The following DNAJC5 variants were observed in gnomAD, a reference collection of about 807,000 sequenced individuals.
DNAJC5 encodes dnaJ homolog subfamily C member 5.
In DNAJC5, 1 loss-of-function variant was observed where a neutral mutation model predicts 23.2. That is an observed-to-expected ratio of 0.04 (90% CI 0.02 to 0.20). The LOEUF (loss-of-function observed/expected upper bound fraction) is 0.20, where lower values mean the gene tolerates loss of function less well. Among genes scored for constraint, DNAJC5 ranks in the 10% least tolerant of loss-of-function variants. The probability of loss-of-function intolerance (pLI) is 1.00; values close to 1 mark genes in which losing one functional copy is unlikely to be tolerated. For missense variants in DNAJC5, 180 were observed against 267.0 expected (o/e 0.67, Z 2.27); for synonymous variants, 136 against 120.0 (o/e 1.13, Z -0.87).
chr20:63,927,551 AG>A lies in DNAJC5; in HGVS notation c.-11-783del, dbSNP rs1253672634. ...GCAAAACTGTCCCCCCCCCCAAAAAAGAAAGAAAGAAACTGTGTGTTCTCTA... is the reference window on the plus strand; with the variant it reads ...GCAAAACTGTCCCCCCCCCCAAAAAAAAAGAAAGAAACTGTGTGTTCTCTA... On this transcript the variant is annotated intron_variant, in intron 1 of 4. Transcript: ENST00000360864. 1.7e-4 allele frequency among the ~76,000 whole-genome samples: 21 copies of A among 122,554 alleles called. 1 individual carries two copies. In the South Asian group the frequency reaches 4.4e-3, roughly 25 times the overall value. The allele number at this position is 122,554 out of a possible 152,430, so 80.4% of individuals were successfully genotyped here.
chr20:63,925,742 G>A (rs2053607439), intron 1 of DNAJC5, among the ~76,000 whole-genome samples: 1 of 129,066 alleles, frequency 7.7e-6, no homozygotes, highest in African/African-American at 3.7e-5. Context: ...GGGCAACAAA[G>A]CGAGACTATC....
chr20:63,930,901 T>C lies in DNAJC5; in HGVS notation c.372T>C (p.Cys124=). The change falls in exon 4 of 5, where the codon TGT becomes TGC. Residue 124 remains cysteine (C), a synonymous_variant. Transcript: ENST00000360864. ...GLLTCCYCCC[C]LCCCFNCCCG... The stretch of plus-strand genomic sequence containing the variant: ...TCACGTGCTGCTACTGCTGCTGCTG[T>C]CTGTGCTGCTGCTTCAACTGCTGCT... 2 of 1,614,012 alleles carry C rather than the reference T, an allele frequency of 1.2e-6. No individual in the cohort carries two copies. The highest frequency in any genetic ancestry group is 1.7e-6 in the Non-Finnish European group (2 of 1,180,020).
chr20:63,909,455 A>G (rs2053468294), intron 1 of DNAJC5, among the ~76,000 whole-genome samples: 1 of 152,172 alleles, frequency 6.6e-6, no homozygotes, highest in African/African-American at 2.4e-5. Flanking sequence ...GTGAGCCGAG[A>G]TGGCGCCACT....
Position 63,910,787 on chromosome 20 carries a change from C to T in DNAJC5, c.-12+15464C>T, listed in dbSNP as rs1387963735. On this transcript the variant is annotated intron_variant, in intron 1 of 4. Coordinates refer to ENST00000360864, the MANE Select transcript of DNAJC5 (RefSeq NM_025219.3). ...TCCCAGGTTCAAGCGATTCTCCTGC[C>T]TCAGCCTCCCAAGTAGCTGGGACTA... Among the ~76,000 whole-genome samples the T allele has an allele frequency of 2.6e-5, 4 of 151,780 alleles. No homozygotes were observed. The East Asian group carries it at 5.9e-4, about 22-fold the overall frequency.
intron 3 of DNAJC5, 105 bp from the exon 4 acceptor site, chr20:63,930,746 A>G (rs1368890724): frequency 8.9e-6 from 14 of 1,568,316 alleles, no homozygotes; most frequent in African/African-American, 2.7e-5. Context: ...CAGTATCCCC[A>G]CCTGGAACGC....
At chr20:63,917,529 A>G (rs1488666908) in intron 1 of DNAJC5, among the ~76,000 whole-genome samples, 1 of 140,330 alleles carries the variant, frequency 7.1e-6, no homozygotes, top group Non-Finnish European at 1.5e-5. Context: ...CTGGGATTAT[A>G]GGCATGAGCC....
Position 63,931,022 on chromosome 20 carries a change from G to A in DNAJC5, c.493G>A (p.Glu165Lys). 1 of 1,613,794 alleles carries A rather than the reference G, an allele frequency of 6.2e-7. No homozygotes were observed. The highest frequency in any genetic ancestry group is 8.5e-7 in the Non-Finnish European group (1 of 1,179,956). ...GGCACAGCTGCAGTCTGACGAGAGG[G>A]GTGAGTGCCCGCCCCAGGGCCCGTG... ...LEAQLQSDER[E>K]ATDTPIVIQP... Residue 165 changes from glutamate (E) to lysine (K), a missense_variant and splice_region_variant, in exon 4 of 5, where the codon GAG becomes AAG. By Grantham distance (56) the Glu-to-Lys change is moderately conservative (BLOSUM62 1). Around this residue, in one of 3 missense-constraint regions of DNAJC5, gnomAD observed 97 missense variants for 123.4 expected, o/e 0.79. Coordinates refer to ENST00000360864, the MANE Select transcript of DNAJC5 (RefSeq NM_025219.3). The surrounding 1 kb of genome is among the most constrained non-coding windows in gnomAD (Gnocchi z 9.6).
chr20:63,930,709 C>A, intron 3 of DNAJC5, 142 bp from the exon 4 acceptor site: 2 of 1,356,166 alleles, frequency 1.5e-6, no homozygotes. Flanking sequence ...TTCTTCAGTT[C>A]TTTCCTTCTG....
At position 63,931,073 on chromosome 20, in the gene DNAJC5, G is replaced by A. The variant is rs781059715; in HGVS notation, c.493+51G>A. On this transcript the variant is annotated intron_variant, in intron 4 of 4. Transcript: ENST00000360864. The surrounding 1 kb of genome is among the most constrained non-coding windows in gnomAD (Gnocchi z 9.6). Reference sequence around the variant, plus strand: ...TGTGTGTGTGGGGCAGAGCCAGAATGGGCCCTGAATGGTGTCAACCTGTCT... The same window carrying A: ...TGTGTGTGTGGGGCAGAGCCAGAATAGGCCCTGAATGGTGTCAACCTGTCT... 1.3e-6 allele frequency: 2 copies of A among 1,585,152 alleles called. No homozygotes were observed.
At chr20:63,907,202 C>T (rs1197753775) in intron 1 of DNAJC5, among the ~76,000 whole-genome samples, 2 of 152,126 alleles carry the variant, frequency 1.3e-5, no homozygotes, top group Non-Finnish European at 2.9e-5. Flanking sequence ...AGAATTACTG[C>T]CTTTTGTGAA....
At chr20:63,918,826 C>A (rs2053537316) in intron 1 of DNAJC5, among the ~76,000 whole-genome samples, 1 of 152,212 alleles carries the variant, frequency 6.6e-6, no homozygotes, top group South Asian at 2.1e-4. Flanking sequence ...GATCTCCTGA[C>A]CTTGTGACCC....
chr20:63,913,398 CTT>C (rs1156495840), intron 1 of DNAJC5, among the ~76,000 whole-genome samples: 15 of 142,848 alleles, frequency 1.1e-4, no homozygotes, highest in Non-Finnish European at 9.2e-5. Context: ...TTTTTTCTTT[CTT>C]TTTTTTTTTT....
rs891435844 is a variant in DNAJC5, at chr20:63,928,555, G to A, written c.107+103G>A. The A allele has an allele frequency of 1.0e-6, 1 of 962,672 alleles. No individual in the cohort carries two copies. Among genetic ancestry groups the A allele is most frequent in the Non-Finnish European group, 1.7e-6 (1 of 604,204 alleles). The allele number at this position is 962,672 out of a possible 1,614,324, so 59.6% of individuals were successfully genotyped here. A position where few individuals can be genotyped will look rare whatever the true frequency, so the allele number is the denominator to read the frequency against. On this transcript the variant is annotated intron_variant, in intron 2 of 4. Transcript: ENST00000360864. This position sits in a 1 kb window ranked among gnomAD's most constrained non-coding sequence, Gnocchi z 4.6. ...AGAACCATTGCACATACTTTATCCT[G>A]GCCGACTCAGCGTTGAACTGGTCAC... is the stretch of plus-strand genomic sequence containing the variant.
chr20:63,925,396 T>A (rs1372130001), intron 1 of DNAJC5, among the ~76,000 whole-genome samples: 1 of 152,102 alleles, frequency 6.6e-6, no homozygotes, highest in Non-Finnish European at 1.5e-5. Flanking sequence ...AGCAGAAGAA[T>A]CGCTTGAACC....
chr20:63,897,070 A>G (rs1238534384), intron 1 of DNAJC5, among the ~76,000 whole-genome samples: 2 of 152,190 alleles, frequency 1.3e-5, no homozygotes, highest in Admixed American at 6.5e-5. Context: ...CTTTGAATCT[A>G]TAATTATTTT....
intron 1 of DNAJC5, among the ~76,000 whole-genome samples, chr20:63,918,709 C>T (rs2053535552): frequency 1.3e-5 from 2 of 152,246 alleles, no homozygotes; most frequent in African/African-American, 4.8e-5. Context: ...CATTCTCCGC[C>T]TCAGCCTCCC....
Position 63,931,844 on chromosome 20 carries a change from C to T in DNAJC5, c.*276C>T, listed in dbSNP as rs764108980. ...CCATGTCTGTGTTGTGGACATTCCGCGGCATGACCGCGTGAACTGCACGGT... is the reference window on the plus strand; with the variant it reads ...CCATGTCTGTGTTGTGGACATTCCGTGGCATGACCGCGTGAACTGCACGGT... On this transcript the variant is annotated 3_prime_UTR_variant, in exon 5 of 5. Transcript: ENST00000360864. The surrounding 1 kb of genome is among the most constrained non-coding windows in gnomAD (Gnocchi z 9.6). 135 of 487,688 alleles carry T rather than the reference C, an allele frequency of 2.8e-4. 2 individuals are homozygous for T. Among genetic ancestry groups the T allele is most frequent in the South Asian group, 1.0e-4 (5 of 49,820 alleles). 30.2% of individuals were successfully genotyped at this position (487,688 alleles called of 1,614,324 possible). A position where few individuals can be genotyped will look rare whatever the true frequency, so the allele number is the denominator to read the frequency against.
At chr20:63,896,687 T>G (rs1017436936) in intron 1 of DNAJC5, among the ~76,000 whole-genome samples, 32 of 152,180 alleles carry the variant, frequency 2.1e-4, no homozygotes, top group Admixed American at 1.3e-4. Context: ...CTTCCTCGCT[T>G]AATTTTCCCA....
chr20:63,913,339 C>T (rs1024928336), intron 1 of DNAJC5, among the ~76,000 whole-genome samples: 17 of 152,050 alleles, frequency 1.1e-4, no homozygotes, highest in Admixed American at 3.3e-4. Flanking sequence ...TCTGTTCTTT[C>T]TAGAGTTGTT....
Sources: allele counts gnomAD v4.1 joint callset (sites outside exome capture counted in the v4.1 genomes callset), GRCh38; gene constraint gnomAD v4.1.1; regional missense constraint gnomAD v4.1.1; non-coding constraint Gnocchi (gnomAD v3.1); transcripts MANE v1.5; gene names NCBI Gene and HGNC (gene_info 2026-07-23, HGNC 2026-07-21).